OTOGL: variants seen among roughly 807,000 people sequenced by gnomAD.
The protein encoded by OTOGL is otogelin like.
Under a neutral mutation model 318.5 loss-of-function variants are expected in OTOGL, and 285 were observed. The ratio of observed to expected loss-of-function variants is 0.89; its 90% CI spans 0.81 to 0.99. The LOEUF (loss-of-function observed/expected upper bound fraction) is 0.99. Ranked by LOEUF, OTOGL falls within the 50% of genes least tolerant of loss-of-function variation. The probability of loss-of-function intolerance (pLI) is 0.00; values close to 1 mark genes in which losing one functional copy is unlikely to be tolerated. For missense variants in OTOGL, 2,899 were observed against 2,845.6 expected, an observed-to-expected ratio of 1.02 and a Z score of -0.43; for synonymous variants, 987 against 936.5, an observed-to-expected ratio of 1.05 and a Z score of -0.99.
chr12:80,275,622 C>T lies in OTOGL; in HGVS notation c.2682-2546C>T, dbSNP rs1037528485. Among the ~76,000 whole-genome samples, 3 of 151,872 alleles carry T rather than the reference C, an allele frequency of 2.0e-5. No homozygotes were observed. In the East Asian group the frequency reaches 5.8e-4, roughly 29 times the overall value. Reference sequence around the variant, plus strand: ...TTTTGAAAGAAAATTTTAGGTAAAACACTATCAAATGCATTGAACACTACA... The same window carrying T: ...TTTTGAAAGAAAATTTTAGGTAAAATACTATCAAATGCATTGAACACTACA... On this transcript the variant is annotated intron_variant, in intron 24 of 58. Transcript: ENST00000547103.
chr12:80,229,644 C>T lies in OTOGL; in HGVS notation c.611+266C>T, dbSNP rs546228511. 1.2e-4 allele frequency among the ~76,000 whole-genome samples: 18 copies of T among 151,954 alleles called. No homozygotes were observed. The South Asian group carries it at 3.5e-3, about 30-fold the overall frequency. On this transcript the variant is annotated intron_variant, in intron 8 of 58. Transcript: ENST00000547103. ...CATGGGTGGAGATGAGAGTCTCTCT[C>T]TCTCTTTTTTTTTTTCTGAGAGATT... is the stretch of plus-strand genomic sequence containing the variant.
At chr12:80,161,782 G>A (rs529007207) in intron 1 of OTOGL, among the ~76,000 whole-genome samples, 2 of 152,090 alleles carry the variant, frequency 1.3e-5, no homozygotes, top group Non-Finnish European at 2.9e-5. Flanking sequence ...ATCTGGAAAT[G>A]ATGGAATGTT....
At chr12:80,223,205 G>T (rs1020424319) in intron 7 of OTOGL, among the ~76,000 whole-genome samples, 1 of 151,912 alleles carries the variant, frequency 6.6e-6, no homozygotes, top group African/African-American at 2.4e-5. Context: ...TGCTGGAAAT[G>T]CCATTATTTT....
At chr12:80,164,842 G>C (rs1351265745) in intron 1 of OTOGL, among the ~76,000 whole-genome samples, 1 of 152,072 alleles carries the variant, frequency 6.6e-6, no homozygotes, top group Non-Finnish European at 1.5e-5. Context: ...AATTTATAAA[G>C]AAAAGAGGTT....
chr12:80,294,867 G>A (rs1295852327), intron 26 of OTOGL, among the ~76,000 whole-genome samples: 1 of 152,054 alleles, frequency 6.6e-6, no homozygotes, highest in Non-Finnish European at 1.5e-5. Context: ...TGAATGGCTC[G>A]CTTGAGCCCA....
chr12:80,290,629 T>C (rs1884981546), intron 26 of OTOGL, among the ~76,000 whole-genome samples: 1 of 152,192 alleles, frequency 6.6e-6, no homozygotes, highest in Non-Finnish European at 1.5e-5. Context: ...TTTTAAGTAG[T>C]AACACAAAGA....
At chr12:80,374,125 A>C (rs2138111485) in intron 57 of OTOGL, among the ~76,000 whole-genome samples, 1 of 152,286 alleles carries the variant, frequency 6.6e-6, no homozygotes, top group South Asian at 2.1e-4. Context: ...TAGGACTCCA[A>C]AACCAAGATG....
chr12:80,138,240 A>G (rs1227000952), intron 1 of OTOGL, among the ~76,000 whole-genome samples: 1 of 152,118 alleles, frequency 6.6e-6, no homozygotes, highest in Non-Finnish European at 1.5e-5. Context: ...AAGGCTTAGA[A>G]GTATAATTAT....
At chr12:80,269,017 A>G (rs1022327173) in intron 22 of OTOGL, among the ~76,000 whole-genome samples, 2 of 152,068 alleles carry the variant, frequency 1.3e-5, no homozygotes, top group Non-Finnish European at 2.9e-5. Flanking sequence ...TAAGTATGAT[A>G]TGGAAGACCT....
At chr12:80,332,914 C>T (rs2137895976) in intron 37 of OTOGL, 91 bp from the exon 38 acceptor site, 2 of 1,027,026 alleles carry the variant, frequency 1.9e-6, no homozygotes, top group Non-Finnish European at 2.9e-6. Context: ...ATAATCTATA[C>T]AAAATTTCTT....
At chr12:80,138,768 A>C (rs1395280431) in intron 1 of OTOGL, among the ~76,000 whole-genome samples, 1 of 152,216 alleles carries the variant, frequency 6.6e-6, no homozygotes, top group Non-Finnish European at 1.5e-5. Flanking sequence ...CAATGTGTTC[A>C]CAGAGAATAG....
intron 1 of OTOGL, among the ~76,000 whole-genome samples, chr12:80,161,245 T>A (rs992472558): frequency 1.3e-5 from 2 of 151,340 alleles, no homozygotes; most frequent in Middle Eastern, 3.2e-3. Flanking sequence ...AAAAAATTTT[T>A]AAAAAGAGAA....
intron 54 of OTOGL, 25 bp downstream of exon 54, chr12:80,367,764 TG>T: frequency 7.5e-7 from 1 of 1,329,530 alleles, no homozygotes; most frequent in Non-Finnish European, 9.9e-7. Flanking sequence ...TAATTTATTC[TG>T]GTGAGAGTTA....
intron 16 of OTOGL, 122 bp from the exon 17 acceptor site, chr12:80,256,215 C>A: frequency 8.5e-7 from 1 of 1,182,680 alleles, no homozygotes; most frequent in Non-Finnish European, 1.1e-6. Flanking sequence ...CACTCTCTTT[C>A]TTTTTTGTTC....
intron 7 of OTOGL, among the ~76,000 whole-genome samples, chr12:80,226,374 T>G (rs919041223): frequency 6.6e-6 from 1 of 152,094 alleles, no homozygotes. Flanking sequence ...TTTTCTAGAG[T>G]AAACAGTTAT....
chr12:80,144,095 G>C (rs1872147707), intron 1 of OTOGL, among the ~76,000 whole-genome samples: 1 of 143,300 alleles, frequency 7.0e-6, no homozygotes, highest in Admixed American at 7.0e-5. Flanking sequence ...TAGGGTACTT[G>C]TGCACATTGT....
At chr12:80,174,023 A>G (rs945131289) in intron 1 of OTOGL, among the ~76,000 whole-genome samples, 5 of 152,248 alleles carry the variant, frequency 3.3e-5, no homozygotes, top group African/African-American at 1.2e-4. Flanking sequence ...GAAGAGTACA[A>G]CAGCAATAGA....
chr12:80,350,996 C>T (rs529164800), intron 44 of OTOGL, among the ~76,000 whole-genome samples: 1 of 152,192 alleles, frequency 6.6e-6, no homozygotes, highest in South Asian at 2.1e-4. Flanking sequence ...TGTCCTAGAG[C>T]TTTTCCTCTG....
intron 46 of OTOGL, 99 bp downstream of exon 46, chr12:80,353,609 G>T (rs1042094193): frequency 4.2e-6 from 4 of 951,244 alleles, no homozygotes; most frequent in South Asian, 3.8e-5. Context: ...GTTTATCAAA[G>T]ACAGCCTCTG....
Sources: allele counts gnomAD v4.1 joint callset (sites outside exome capture counted in the v4.1 genomes callset), GRCh38; gene constraint gnomAD v4.1.1; transcripts MANE v1.5; gene names NCBI Gene and HGNC (gene_info 2026-07-23, HGNC 2026-07-21).